Variants in CHL1 observed in about 807,000 individuals in gnomAD.
CHL1 encodes cell adhesion molecule L1 like.
In CHL1, 96 loss-of-function variants were observed where a neutral mutation model predicts 141.9. The ratio of observed to expected loss-of-function variants is 0.68; its 90% confidence interval spans 0.57 to 0.80. The LOEUF is 0.80. CHL1 is among the 30% of genes least tolerant of loss of function. The pLI is 0.00. For synonymous variants in CHL1, 613 were observed against 502.2 expected, an observed-to-expected ratio of 1.22 and a Z score of -2.95; for missense variants, 1,820 against 1,457.2, an observed-to-expected ratio of 1.25 and a Z score of -4.05.
intron 2 of CHL1, among the ~76,000 whole-genome samples, chr3:269,880 A>G (rs1695486631): frequency 6.6e-6 from 1 of 152,114 alleles, no homozygotes; most frequent in Non-Finnish European, 1.5e-5. Context: ...TACCTCATCT[A>G]AGGGGGTTGG....
intron 2 of CHL1, among the ~76,000 whole-genome samples, chr3:290,053 A>G (rs935718401): frequency 1.3e-5 from 2 of 150,438 alleles, no homozygotes; most frequent in Non-Finnish European, 2.9e-5. Context: ...AAGCTTGTTC[A>G]ACACAGTTTT....
chr3:306,186 C>T (rs1002393317), intron 2 of CHL1, among the ~76,000 whole-genome samples: 2 of 152,034 alleles, frequency 1.3e-5, no homozygotes, highest in East Asian at 1.9e-4. Flanking sequence ...GCACAGGGAA[C>T]GATCAATCAG....
chr3:347,961 C>T (rs548236039), intron 9 of CHL1, among the ~76,000 whole-genome samples: 1 of 152,254 alleles, frequency 6.6e-6, no homozygotes, highest in East Asian at 1.9e-4. Flanking sequence ...TTCATCTTTA[C>T]CTCCAATTTT....
intron 2 of CHL1, among the ~76,000 whole-genome samples, chr3:298,439 G>A (rs762857639): frequency 6.6e-6 from 1 of 152,126 alleles, no homozygotes; most frequent in Non-Finnish European, 1.5e-5. Flanking sequence ...TAGGTGACAT[G>A]TGCAGTTTAC....
In CHL1 at chr3:344,460, G is replaced by T. The variant is rs545780171; in HGVS notation, c.728-129G>T. 8.0e-4 allele frequency: 377 copies of T among 470,490 alleles called. 1 individual carries two copies. Among genetic ancestry groups the T allele is most frequent in the Non-Finnish European group, 1.1e-3 (313 of 281,138 alleles). The allele number at this position is 470,490 out of a possible 1,614,324, so 29.1% of individuals were successfully genotyped here. ...ATTTAAATGGAAATATGTGAAATGTGTATAGAACACACACACACACACACA... is the reference window on the plus strand; with the variant it reads ...ATTTAAATGGAAATATGTGAAATGTTTATAGAACACACACACACACACACA... On this transcript the variant is annotated intron_variant, in intron 8 of 27. Coordinates refer to ENST00000256509, the MANE Select transcript of CHL1 (RefSeq NM_006614.4).
intron 1 of CHL1, among the ~76,000 whole-genome samples, chr3:202,825 G>C (rs761112592): frequency 6.6e-6 from 1 of 152,186 alleles, no homozygotes; most frequent in Non-Finnish European, 1.5e-5. Context: ...TTCATTTACT[G>C]TGTATAATTT....
intron 5 of CHL1, among the ~76,000 whole-genome samples, chr3:329,476 C>CA: frequency 6.6e-6 from 1 of 151,762 alleles, no homozygotes; most frequent in East Asian, 1.9e-4. Context: ...AATTTAGACT[C>CA]GGAAGTAAGG....
intron 1 of CHL1, among the ~76,000 whole-genome samples, chr3:221,331 C>A (rs938051491): frequency 2.0e-5 from 3 of 152,182 alleles, no homozygotes; most frequent in Admixed American, 1.3e-4. Context: ...CACTAATCAT[C>A]ATTGTAAAAT....
intron 16 of CHL1, among the ~76,000 whole-genome samples, chr3:381,571 G>T (rs1160239590): frequency 6.6e-6 from 1 of 152,202 alleles, no homozygotes; most frequent in Non-Finnish European, 1.5e-5. Flanking sequence ...GCCTAAAAGG[G>T]TGAGGTATCT....
intron 1 of CHL1, chr3:197,872 C>CT (rs58240971): frequency 0.43 from 151,344 of 351,318 alleles, 22,522 homozygotes; most frequent in Admixed American, 0.49. Flanking sequence ...CTTTCTCTCG[C>CT]TTTTTTTTTT....
At chr3:264,978 T>G (rs984231907) in intron 2 of CHL1, among the ~76,000 whole-genome samples, 2 of 152,196 alleles carry the variant, frequency 1.3e-5, no homozygotes, top group Non-Finnish European at 2.9e-5. Context: ...TTTGTAAATT[T>G]GCGAATAATG....
chr3:218,312 G>A (rs1700505839), intron 1 of CHL1, among the ~76,000 whole-genome samples: 1 of 152,164 alleles, frequency 6.6e-6, no homozygotes, highest in Admixed American at 6.5e-5. Context: ...TTATGTTTTA[G>A]AAGATGAAAG....
At position 330,707 on chromosome 3, in the gene CHL1, T is replaced by C. The variant is rs995005346; in HGVS notation, c.385+2353T>C. ...GCCTATAGTTTAGTTTTTGTTTCTG[T>C]TTGTGAAATGTGACCAGCTGGTTCA... On this transcript the variant is annotated intron_variant, in intron 5 of 27. Transcript: ENST00000256509. 2.0e-5 allele frequency among the ~76,000 whole-genome samples: 3 copies of C among 152,234 alleles called. No homozygotes were observed. The South Asian group carries it at 6.2e-4, about 32-fold the overall frequency.
At chr3:198,069 G>A (rs1698537954) in intron 1 of CHL1, 9 of 297,536 alleles carry the variant, frequency 3.0e-5, no homozygotes, top group South Asian at 2.4e-4. Context: ...ACGGGCCGGA[G>A]GAGCAGCAGC....
At chr3:386,884 AC>A (rs1330360290) in intron 19 of CHL1, among the ~76,000 whole-genome samples, 5 of 152,148 alleles carry the variant, frequency 3.3e-5, no homozygotes, top group Non-Finnish European at 5.9e-5. Context: ...TTGTTGAGAG[AC>A]TAGGTTTTAA....
intron 2 of CHL1, among the ~76,000 whole-genome samples, chr3:303,701 T>C (rs1030024546): frequency 3.9e-5 from 6 of 152,094 alleles, no homozygotes; most frequent in African/African-American, 1.2e-4. Context: ...GACTTCCTAT[T>C]TGAATACACT....
At chr3:339,832 G>A (rs1575110217) in intron 5 of CHL1, among the ~76,000 whole-genome samples, 1 of 152,174 alleles carries the variant, frequency 6.6e-6, no homozygotes, top group African/African-American at 2.4e-5. Flanking sequence ...AAAATCGGTT[G>A]TGAATCATAA....
chr3:275,102 G>A (rs79252562), intron 2 of CHL1, among the ~76,000 whole-genome samples: 1 of 152,320 alleles, frequency 6.6e-6, no homozygotes, highest in Non-Finnish European at 1.5e-5. Flanking sequence ...TCTTGAAACA[G>A]CCTGTGGGTT....
chr3:342,194 AGTTC>A, intron 7 of CHL1, 112 bp downstream of exon 7: 2 of 896,732 alleles, frequency 2.2e-6, no homozygotes, highest in Non-Finnish European at 3.3e-6. Flanking sequence ...ACCATTGTGC[AGTTC>A]AACTCTGGAG....
Sources: gnomAD v4.1 joint callset for allele counts (sites outside exome capture counted in the v4.1 genomes callset) on GRCh38, gnomAD v4.1.1 for gene constraint, MANE v1.5 for transcripts, NCBI Gene and HGNC (gene_info 2026-07-23, HGNC 2026-07-21) for gene names.